Variants in INTS15 observed in about 807,000 individuals in gnomAD.
The protein encoded by INTS15 is integrator complex subunit 15.
chr7:6,600,218 C>T, the INTS15 span: 15 of 1,614,058 alleles, frequency 9.3e-6, no homozygotes, highest in Non-Finnish European at 1.1e-5. Context: ...CCACATGGTC[C>T]CGCTGGTAGA....
chr7:6,594,618 T>G, the INTS15 span: 1 of 1,610,624 alleles, frequency 6.2e-7, no homozygotes, highest in South Asian at 1.1e-5. Flanking sequence ...TTAAACAGGT[T>G]ATTTCTATGG....
chr7:6,598,772 TGTGTGTGTGTGTG>T, the INTS15 span, among the ~76,000 whole-genome samples: 8 of 107,312 alleles, frequency 7.5e-5, no homozygotes, highest in East Asian at 2.1e-4. Flanking sequence ...TGTGTGTGTG[TGTGTGTGTGTGTG>T]TATTTTTTTT....
the INTS15 span, chr7:6,590,512 G>C: frequency 1.9e-5 from 28 of 1,501,668 alleles, no homozygotes; most frequent in Non-Finnish European, 2.2e-5. Flanking sequence ...GGGCCCCGCA[G>C]GCGGGCGGGC....
At chr7:6,603,614 G>A in the INTS15 span, among the ~76,000 whole-genome samples, 1 of 151,646 alleles carries the variant, frequency 6.6e-6, no homozygotes, top group South Asian at 2.1e-4. Flanking sequence ...CAAGGTGGGC[G>A]GATCACCTGA....
the INTS15 span, among the ~76,000 whole-genome samples, chr7:6,605,078 C>T: frequency 0.13 from 19,077 of 152,050 alleles, 1,481 homozygotes; most frequent in African/African-American, 0.23. Context: ...CTGCAACCTC[C>T]GCGTCCTGGA....
the INTS15 span, among the ~76,000 whole-genome samples, chr7:6,592,771 G>T: frequency 2.0e-5 from 3 of 151,500 alleles, no homozygotes; most frequent in African/African-American, 7.3e-5. Flanking sequence ...ACCATGCCTG[G>T]TTAGTTTTTG....
chr7:6,595,534 G>A, the INTS15 span, among the ~76,000 whole-genome samples: 27 of 152,284 alleles, frequency 1.8e-4, no homozygotes, highest in South Asian at 5.4e-3. Flanking sequence ...AGTTTGCTAA[G>A]AGGGAACTAT....
chr7:6,601,964 A>G, the INTS15 span: 3 of 779,812 alleles, frequency 3.8e-6, no homozygotes, highest in Non-Finnish European at 6.5e-6. Flanking sequence ...GCTAGAACTC[A>G]GTTTCTAAAT....
the INTS15 span, chr7:6,599,965 G>T: frequency 6.2e-7 from 1 of 1,614,158 alleles, no homozygotes; most frequent in South Asian, 1.1e-5. Context: ...AGCTCACCCC[G>T]CTCGTTGGAT....
chr7:6,602,164 C>G, the INTS15 span: 1 of 1,605,682 alleles, frequency 6.2e-7, no homozygotes, highest in Non-Finnish European at 8.5e-7. Flanking sequence ...GGACTCCTAG[C>G]TGGGCCAGCT....
chr7:6,597,590 C>G, the INTS15 span, among the ~76,000 whole-genome samples: 1 of 152,198 alleles, frequency 6.6e-6, no homozygotes, highest in African/African-American at 2.4e-5. Context: ...CCACCACACC[C>G]GACCTACCTT....
the INTS15 span, among the ~76,000 whole-genome samples, chr7:6,598,182 A>G: frequency 6.6e-6 from 1 of 152,178 alleles, no homozygotes; most frequent in Admixed American, 6.5e-5. Flanking sequence ...AAGAGGCTGC[A>G]CACGTGGCCG....
chr7:6,608,244 C>G, the INTS15 span: 4 of 1,511,608 alleles, frequency 2.6e-6, no homozygotes, highest in Non-Finnish European at 2.6e-6. Context: ...AGAAGAGAAC[C>G]TCGGGGAAGG....
At chr7:6,602,106 C>T in the INTS15 span, 3 of 1,613,102 alleles carry the variant, frequency 1.9e-6, no homozygotes, top group Admixed American at 1.7e-5. Context: ...TGCAGATGAC[C>T]TGAGAACCTT....
chr7:6,594,565 T>C, the INTS15 span: 1 of 1,614,164 alleles, frequency 6.2e-7, no homozygotes, highest in Non-Finnish European at 8.5e-7. Flanking sequence ...TGCCAGTTCA[T>C]CACCTCCGTT....
chr7:6,608,070 C>T, the INTS15 span: 3 of 1,587,972 alleles, frequency 1.9e-6, no homozygotes, highest in Admixed American at 1.7e-5. Context: ...GGGGCTGTCC[C>T]GGCCCACCCC....
At chr7:6,593,766 C>T in the INTS15 span, among the ~76,000 whole-genome samples, 1 of 151,566 alleles carries the variant, frequency 6.6e-6, no homozygotes, top group Non-Finnish European at 1.5e-5. Context: ...CCTTCCGCCT[C>T]GGCCTCCTGA....
At chr7:6,607,990 G>T in the INTS15 span, 1 of 1,600,204 alleles carries the variant, frequency 6.2e-7, no homozygotes. The surrounding 1 kb of genome is among the most constrained non-coding windows in gnomAD (Gnocchi z 6.0). Flanking sequence ...CGGGTCCCGT[G>T]CAGCAGTCGC....
the INTS15 span, among the ~76,000 whole-genome samples, chr7:6,597,688 A>G: frequency 6.6e-6 from 1 of 151,884 alleles, no homozygotes. Context: ...ACAGGAAAGA[A>G]TATTCAGGGA....
Sources: allele counts gnomAD v4.1 joint callset (sites outside exome capture counted in the v4.1 genomes callset), GRCh38; gene constraint gnomAD v4.1.1; non-coding constraint Gnocchi (gnomAD v3.1); transcripts MANE v1.5; gene names NCBI Gene and HGNC (gene_info 2026-07-23, HGNC 2026-07-21).